ERICH2: variants seen among roughly 807,000 people sequenced by gnomAD.
ERICH2 encodes the protein glutamate rich 2.
ERICH2 carries 17 observed loss-of-function variants against 17.4 expected under a neutral mutation model. The ratio of observed to expected loss-of-function variants is 0.98; its 90% confidence interval spans 0.67 to 1.47. The LOEUF is 1.47. ERICH2 is among the 40% of genes most tolerant of loss of function. ERICH2 has a pLI of 0.00. For synonymous variants in ERICH2, 51 were observed against 61.1 expected (o/e 0.83, Z 0.77); for missense variants, 186 against 183.2 (o/e 1.01, Z -0.09).
intron 3 of ERICH2, among the ~76,000 whole-genome samples, chr2:170,793,352 AT>A (rs1019859802): frequency 3.3e-5 from 5 of 152,242 alleles, no homozygotes; most frequent in African/African-American, 1.2e-4. Flanking sequence ...ACAATCCCAC[AT>A]TTGTGTCTAG....
upstream of ERICH2, chr2:170,782,330 A>G (rs202151563): frequency 5.7e-4 from 559 of 978,774 alleles, no homozygotes; most frequent in Non-Finnish European, 6.4e-4. Flanking sequence ...GAAAGTAAAG[A>G]TATCTTAACA....
At chr2:170,795,819 G>A (rs976666861) in intron 3 of ERICH2, among the ~76,000 whole-genome samples, 3 of 152,138 alleles carry the variant, frequency 2.0e-5, no homozygotes, top group African/African-American at 7.2e-5. Flanking sequence ...CCACACTTCT[G>A]CTCCCAGGCA....
the ERICH2 span, among the ~76,000 whole-genome samples, chr2:170,771,788 T>C: frequency 6.6e-6 from 1 of 152,210 alleles, no homozygotes; most frequent in South Asian, 2.1e-4. This position sits in a 1 kb window ranked among gnomAD's most constrained non-coding sequence, Gnocchi z 4.8. Flanking sequence ...GTTGATATTG[T>C]TCTTTTGACT....
the ERICH2 span, among the ~76,000 whole-genome samples, chr2:170,776,743 C>T: frequency 6.6e-6 from 1 of 151,078 alleles, no homozygotes; most frequent in African/African-American, 2.4e-5. Flanking sequence ...TTATGTAAAA[C>T]CAAAAAGATA....
intron 3 of ERICH2, 137 bp downstream of exon 8, chr2:170,793,057 T>C: frequency 2.0e-6 from 1 of 501,338 alleles, no homozygotes; most frequent in Non-Finnish European, 3.6e-6. Flanking sequence ...TGATAATAAA[T>C]TAGGTTGATT....
At chr2:170,779,056 TG>T (rs1700970391), upstream of ERICH2, among the ~76,000 whole-genome samples, 1 of 152,106 alleles carries the variant, frequency 6.6e-6, no homozygotes, top group African/African-American at 2.4e-5. Context: ...AGGACAAGGG[TG>T]GATAGTGTAG....
chr2:170,792,365 TA>T (rs1197962311), intron 2 of ERICH2, among the ~76,000 whole-genome samples: 5 of 152,004 alleles, frequency 3.3e-5, no homozygotes, highest in Non-Finnish European at 7.4e-5. Context: ...ATTTCCTACA[TA>T]AAAAAAGATG....
chr2:170,792,402 A>G (rs1701310018), intron 2 of ERICH2, among the ~76,000 whole-genome samples: 1 of 152,246 alleles, frequency 6.6e-6, no homozygotes, highest in African/African-American at 2.4e-5. Flanking sequence ...AGAAAAGTAT[A>G]ATAAAAATAA....
chr2:170,782,561 A>G (rs1035412405), upstream of ERICH2, among the ~76,000 whole-genome samples: 2 of 152,240 alleles, frequency 1.3e-5, no homozygotes, highest in African/African-American at 4.8e-5. Flanking sequence ...TATGAGATCC[A>G]TGGATATGCA....
At chr2:170,790,124 A>G (rs1247172515) in intron 2 of ERICH2, among the ~76,000 whole-genome samples, 1 of 152,238 alleles carries the variant, frequency 6.6e-6, no homozygotes, top group Non-Finnish European at 1.5e-5. Context: ...ATTAACAACA[A>G]AAATAACAAT....
At chr2:170,774,589 G>A in the ERICH2 span, among the ~76,000 whole-genome samples, 5 of 121,674 alleles carry the variant, frequency 4.1e-5, no homozygotes, top group Admixed American at 9.0e-5. Flanking sequence ...TTTTTGAGAT[G>A]AAGTCTCACT....
chr2:170,788,596 C>G (rs999060695), intron 2 of ERICH2, among the ~76,000 whole-genome samples: 33 of 151,958 alleles, frequency 2.2e-4, no homozygotes, highest in African/African-American at 8.0e-4. Flanking sequence ...CTCAGTCTCC[C>G]GAGTACCTGG....
At chr2:170,771,221 C>T in the ERICH2 span, 3 of 154,758 alleles carry the variant, frequency 1.9e-5, no homozygotes, top group Admixed American at 1.3e-4. The surrounding 1 kb of genome is among the most constrained non-coding windows in gnomAD (Gnocchi z 4.8). Context: ...CGGTCTCCCT[C>T]TCCCTAGCCC....
the ERICH2 span, among the ~76,000 whole-genome samples, chr2:170,776,278 T>C: frequency 6.6e-6 from 1 of 152,228 alleles, no homozygotes; most frequent in Non-Finnish European, 1.5e-5. Flanking sequence ...TCTATATGTA[T>C]TTGTTTAAAT....
intron 3 of ERICH2, among the ~76,000 whole-genome samples, chr2:170,793,883 G>A (rs141151391): frequency 3.3e-5 from 5 of 152,058 alleles, no homozygotes; most frequent in African/African-American, 1.2e-4. Flanking sequence ...TAACTCTGTG[G>A]GTTGATGTTT....
chr2:170,792,058 G>T (rs1701303697), intron 2 of ERICH2, among the ~76,000 whole-genome samples: 1 of 152,042 alleles, frequency 6.6e-6, no homozygotes, highest in African/African-American at 2.4e-5. Flanking sequence ...TTTTTTTAAT[G>T]GAAGCAGTCT....
At chr2:170,787,657 G>GC (rs1701188994) in intron 2 of ERICH2, among the ~76,000 whole-genome samples, 1 of 152,226 alleles carries the variant, frequency 6.6e-6, no homozygotes, top group African/African-American at 2.4e-5. Context: ...GATTGCTGGA[G>GC]CCCTCTGTCT....
the ERICH2 span, among the ~76,000 whole-genome samples, chr2:170,778,524 T>C: frequency 6.6e-6 from 1 of 152,010 alleles, no homozygotes; most frequent in African/African-American, 2.4e-5. Context: ...GTAAATTATA[T>C]GTATATTACA....
the ERICH2 span, among the ~76,000 whole-genome samples, chr2:170,773,815 T>C: frequency 6.6e-6 from 1 of 152,108 alleles, no homozygotes; most frequent in Non-Finnish European, 1.5e-5. Context: ...AACCTCAAGC[T>C]CCTGGGCTCA....
Sources: allele counts gnomAD v4.1 joint callset (sites outside exome capture counted in the v4.1 genomes callset), GRCh38; gene constraint gnomAD v4.1.1; non-coding constraint Gnocchi (gnomAD v3.1); transcripts MANE v1.5; gene names NCBI Gene and HGNC (gene_info 2026-07-23, HGNC 2026-07-21).